Variants in THSD7A observed in about 807,000 individuals in gnomAD.
THSD7A encodes thrombospondin type 1 domain containing 7A.
A neutral mutation model predicts 231.3 loss-of-function variants in THSD7A; 96 were observed. That is an observed-to-expected ratio of 0.41 (90% confidence interval 0.35 to 0.49). THSD7A has a LOEUF of 0.49. Ranked by LOEUF, THSD7A falls within the 20% of genes least tolerant of loss-of-function variation. The pLI is 0.05. For synonymous variants in THSD7A, 940 were observed against 743.3 expected (o/e 1.26, Z -4.30); for missense variants, 2,290 against 2,070.2 (o/e 1.11, Z -2.06).
chr7:11,494,103 C>G (rs1787004742), intron 6 of THSD7A, among the ~76,000 whole-genome samples: 1 of 151,958 alleles, frequency 6.6e-6, no homozygotes, highest in Admixed American at 6.6e-5. Flanking sequence ...AACATAATTA[C>G]ATTAGGCTAC....
intron 1 of THSD7A, among the ~76,000 whole-genome samples, chr7:11,708,816 C>A (rs1270381813): frequency 6.6e-6 from 1 of 150,456 alleles, no homozygotes; most frequent in African/African-American, 2.4e-5. Flanking sequence ...TATTATAGAC[C>A]AATATTAAGT....
chr7:11,519,486 C>T (rs189548048), intron 6 of THSD7A, among the ~76,000 whole-genome samples: 1 of 152,312 alleles, frequency 6.6e-6, no homozygotes, highest in East Asian at 1.9e-4. Flanking sequence ...TCGCTAGGTA[C>T]TGGCACACTG....
intron 23 of THSD7A, among the ~76,000 whole-genome samples, chr7:11,400,343 A>G (rs893103728): frequency 6.6e-6 from 1 of 152,178 alleles, no homozygotes; most frequent in Non-Finnish European, 1.5e-5. Flanking sequence ...ATTCAGTTGA[A>G]TGCTTAGTTC....
At chr7:11,668,489 A>AAG (rs149230098) in intron 1 of THSD7A, among the ~76,000 whole-genome samples, 28 of 39,278 alleles carry the variant, frequency 7.1e-4, no homozygotes, top group African/African-American at 1.9e-3. Flanking sequence ...GACAGAAAGA[A>AAG]AGAGAGAGAG....
At chr7:11,757,522 G>A (rs550765914) in intron 1 of THSD7A, among the ~76,000 whole-genome samples, 21 of 152,102 alleles carry the variant, frequency 1.4e-4, no homozygotes, top group African/African-American at 5.1e-4. Context: ...ATCTAGCCCT[G>A]TAAATCCTGG....
intron 1 of THSD7A, among the ~76,000 whole-genome samples, chr7:11,801,804 A>T (rs1049062691): frequency 3.3e-5 from 5 of 152,036 alleles, no homozygotes; most frequent in Non-Finnish European, 7.4e-5. Context: ...ACATTTTAAA[A>T]CTCTATGTAC....
intron 13 of THSD7A, among the ~76,000 whole-genome samples, chr7:11,437,054 T>G (rs977810128): frequency 6.6e-6 from 1 of 152,098 alleles, no homozygotes; most frequent in Admixed American, 6.6e-5. Flanking sequence ...TTTTAAGCAA[T>G]AGAACACTTT....
rs573636816 is a variant in THSD7A at position 11,564,733 on chromosome 7, T to C, written c.1454-21616A>G. The stretch of plus-strand genomic sequence containing the variant: ...TTATAGAGAAAGGTCCATATGTCTA[T>C]GCCCACGATGCCATATTTCCTAGAA... On this transcript the variant is annotated intron_variant, in intron 4 of 27. Transcript: ENST00000423059. Among the ~76,000 whole-genome samples the C allele has an allele frequency of 2.6e-5, 4 of 152,304 alleles. No individual in the cohort carries two copies. In the East Asian group the frequency reaches 7.7e-4, roughly 29 times the overall value.
At chr7:11,688,281 G>A (rs1402435137) in intron 1 of THSD7A, among the ~76,000 whole-genome samples, 3 of 151,642 alleles carry the variant, frequency 2.0e-5, no homozygotes, top group African/African-American at 7.3e-5. Context: ...GTATATATGT[G>A]CCACATTCTA....
intron 1 of THSD7A, among the ~76,000 whole-genome samples, chr7:11,677,338 A>G (rs10950362): frequency 6.6e-6 from 1 of 151,794 alleles, no homozygotes; most frequent in Non-Finnish European, 1.5e-5. Context: ...GACCATCAAA[A>G]CTATGAAGAA....
intron 4 of THSD7A, among the ~76,000 whole-genome samples, chr7:11,550,435 T>C (rs942663141): frequency 2.0e-5 from 3 of 152,156 alleles, no homozygotes; most frequent in Non-Finnish European, 2.9e-5. Context: ...TAATCCCACA[T>C]GTCAAGGGAG....
Position 11,732,897 on chromosome 7 carries a change from A to T in THSD7A, c.191-95936T>A, listed in dbSNP as rs539801013. Among the ~76,000 whole-genome samples the T allele has an allele frequency of 3.3e-5, 5 of 151,970 alleles. No individual in the cohort carries two copies. The South Asian group carries it at 1.0e-3, about 31-fold the overall frequency. ...AATGCAATTTCAAAGAAATATGTGC[A>T]TTGGGATGACCCTGTACCACTTATT... On this transcript the variant is annotated intron_variant, in intron 1 of 27. Transcript: ENST00000423059.
At chr7:11,625,816 C>A (rs560502764) in intron 2 of THSD7A, among the ~76,000 whole-genome samples, 3 of 151,828 alleles carry the variant, frequency 2.0e-5, no homozygotes, top group Non-Finnish European at 4.4e-5. Flanking sequence ...TGAGTCAGAG[C>A]GAAACTCAAT....
intron 9 of THSD7A, among the ~76,000 whole-genome samples, chr7:11,466,966 A>G (rs1347139270): frequency 6.6e-6 from 1 of 152,072 alleles, no homozygotes; most frequent in South Asian, 2.1e-4. Context: ...CAGGTCATTC[A>G]TCATCACCCG....
At chr7:11,429,531 C>T (rs917875073) in intron 13 of THSD7A, among the ~76,000 whole-genome samples, 4 of 152,228 alleles carry the variant, frequency 2.6e-5, no homozygotes, top group Admixed American at 6.5e-5. Context: ...TGAGTCCATG[C>T]AACGTTCTTT....
intron 6 of THSD7A, among the ~76,000 whole-genome samples, chr7:11,522,020 T>C (rs959527938): frequency 5.3e-5 from 8 of 152,136 alleles, no homozygotes; most frequent in African/African-American, 1.9e-4. Flanking sequence ...AAATTAAGAG[T>C]TTCTAAGCTC....
At chr7:11,729,966 T>C (rs61597113) in intron 1 of THSD7A, among the ~76,000 whole-genome samples, 12,032 of 151,774 alleles carry the variant, frequency 0.079, 627 homozygotes, top group African/African-American at 0.14. Context: ...TGATTGACCT[T>C]AGCAAAGATA....
intron 2 of THSD7A, among the ~76,000 whole-genome samples, chr7:11,618,407 A>G (rs1781182300): frequency 6.6e-6 from 1 of 152,242 alleles, no homozygotes; most frequent in South Asian, 2.1e-4. Flanking sequence ...GTGTATGTGT[A>G]AAATCAGTAT....
chr7:11,592,247 G>A (rs975961227), intron 3 of THSD7A, among the ~76,000 whole-genome samples: 1 of 151,940 alleles, frequency 6.6e-6, no homozygotes, highest in African/African-American at 2.4e-5. Context: ...TTATATATCT[G>A]GTATAAAACA....
Sources: gnomAD v4.1 joint callset for allele counts (sites outside exome capture counted in the v4.1 genomes callset) on GRCh38, gnomAD v4.1.1 for gene constraint, MANE v1.5 for transcripts, NCBI Gene and HGNC (gene_info 2026-07-23, HGNC 2026-07-21) for gene names.